SNPH: variants seen among roughly 807,000 people sequenced by gnomAD.
SNPH encodes syntaphilin.
SNPH carries 10 observed loss-of-function variants against 36.8 expected under a neutral mutation model. The observed-to-expected ratio is 0.27, with a 90% CI of 0.17 to 0.46. The LOEUF (loss-of-function observed/expected upper bound fraction) is 0.46. SNPH is among the 20% of genes least tolerant of loss of function. The probability of loss-of-function intolerance (pLI) is 1.00; values close to 1 mark genes in which losing one functional copy is unlikely to be tolerated. For missense variants in SNPH, 622 were observed against 744.0 expected (o/e 0.84, Z 1.91); for synonymous variants, 281 against 312.2 (o/e 0.90, Z 1.05).
In SNPH at chr20:1,294,129, C is replaced by T. The variant is rs991075486; in HGVS notation, c.-492-822C>T. ...GGGAAAGTTGTTGGTGAAGCCAGGC[C>T]GACCTGGGCCAGAAGCCAGAGCATG... On this transcript the variant is annotated intron_variant, in intron 2 of 6. Coordinates refer to ENST00000381867, the MANE Select transcript of SNPH (RefSeq NM_001318234.2). This position sits in a 1 kb window ranked among gnomAD's most constrained non-coding sequence, Gnocchi z 4.4. Among the ~76,000 whole-genome samples, 4 of 152,182 alleles carry T rather than the reference C, an allele frequency of 2.6e-5. No homozygotes were observed. The highest frequency in any genetic ancestry group is 5.9e-5 in the Non-Finnish European group (4 of 68,032).
chr20:1,268,854 A>G (rs1351615624), intron 2 of SNPH, among the ~76,000 whole-genome samples: 1 of 152,138 alleles, frequency 6.6e-6, no homozygotes, highest in Non-Finnish European at 1.5e-5. Flanking sequence ...TGTCATTATT[A>G]TTGCTATTAC....
In SNPH at chr20:1,305,562, A is replaced by G. The variant is rs2088563499; in HGVS notation, c.1125A>G (p.Lys375=). The change falls in exon 7 of 7, where the codon AAA becomes AAG. Residue 375 remains lysine (K), a synonymous_variant. Transcript: ENST00000381867. The stretch of plus-strand genomic sequence containing the variant: ...CTGACCTTGACACCATCCTGGAGAA[A>G]GTGACCCAGGCCCAGGTCTGTGGGA... ...YQPDLDTILE[K]VTQAQVCGTD... The G allele has an allele frequency of 6.2e-7, 1 of 1,613,462 alleles. No individual in the cohort carries two copies. The highest frequency in any genetic ancestry group is 1.1e-5 in the South Asian group (1 of 91,082).
chr20:1,276,731 C>T lies in SNPH; in HGVS notation c.-493+9971C>T, dbSNP rs1326348243. Among the ~76,000 whole-genome samples the T allele has an allele frequency of 3.3e-5, 5 of 152,192 alleles. No individual in the cohort carries two copies. Among genetic ancestry groups the T allele is most frequent in the African/African-American group, 1.2e-4 (5 of 41,442 alleles). ...TCCCTACTTTCCCAAAGTGCCAACA[C>T]ATCTTCATTTGGCAGTGAGCTCCCT... On this transcript the variant is annotated intron_variant, in intron 2 of 6. Transcript: ENST00000381867. The surrounding 1 kb of genome is among the most constrained non-coding windows in gnomAD (Gnocchi z 4.6).
chr20:1,278,620 T>C (rs1286755688), intron 2 of SNPH, among the ~76,000 whole-genome samples: 3 of 152,216 alleles, frequency 2.0e-5, no homozygotes, highest in African/African-American at 7.2e-5. Flanking sequence ...ACATTTTTGG[T>C]TTGGCTTTTT....
rs2088452965 is a variant in SNPH at position 1,297,463 on chromosome 20, A to T, written c.290+211A>T. Among the ~76,000 whole-genome samples the T allele has an allele frequency of 2.0e-5, 3 of 152,346 alleles. No homozygotes were observed. In the South Asian group the frequency reaches 6.2e-4, roughly 32 times the overall value. On this transcript the variant is annotated intron_variant, in intron 5 of 6. Transcript: ENST00000381867. ...GATAATATACAGCTGGACATAAAAA[A>T]ATACAGTGGCCTAAACAAACTAGGG...
At chr20:1,270,698 T>A (rs932984459) in intron 2 of SNPH, among the ~76,000 whole-genome samples, 21 of 152,192 alleles carry the variant, frequency 1.4e-4, no homozygotes, top group African/African-American at 5.1e-4. Flanking sequence ...ATTTTGAAAT[T>A]CCTCTGACAA....
chr20:1,271,619 T>C (rs1348314439), intron 2 of SNPH, among the ~76,000 whole-genome samples: 1 of 152,148 alleles, frequency 6.6e-6, no homozygotes, highest in Non-Finnish European at 1.5e-5. Context: ...CTTTCTTCTG[T>C]TCTGTAATGA....
chr20:1,296,136 TGG>T lies in SNPH; in HGVS notation c.-102_-101del. 1.0e-6 allele frequency: 1 copy of T among 989,288 alleles called. No homozygotes were observed. Among genetic ancestry groups the T allele is most frequent in the Non-Finnish European group, 1.4e-6 (1 of 701,422 alleles). 61.3% of individuals were successfully genotyped at this position (989,288 alleles called of 1,614,324 possible). A position where few individuals can be genotyped will look rare whatever the true frequency, so the allele number is the denominator to read the frequency against. ...ACAGTTGTGGTTTTAAGTTGGGTGG[TGG>T]GAACCTGTGCACCAGCCCTATTCAA... On this transcript the variant is annotated 5_prime_UTR_variant, in exon 4 of 7. Transcript: ENST00000381867.
At chr20:1,291,086 G>C (rs970847221) in intron 2 of SNPH, among the ~76,000 whole-genome samples, 4 of 152,252 alleles carry the variant, frequency 2.6e-5, no homozygotes, top group Non-Finnish European at 5.9e-5. Context: ...CCTCTTGGGT[G>C]GTTTGAAGAC....
In SNPH at chr20:1,271,029, AC is replaced by A. The variant is rs533106104; in HGVS notation, c.-493+4273del. On this transcript the variant is annotated intron_variant, in intron 2 of 6. Transcript: ENST00000381867. ...GCCATGGAGAGGCTGAGGCCTGTGC[AC>A]CCCAGGCTGCTTTGCATTAATGGAC... Among the ~76,000 whole-genome samples the A allele has an allele frequency of 5.9e-5, 9 of 152,328 alleles. 1 individual carries two copies. In the South Asian group the frequency reaches 1.9e-3, roughly 32 times the overall value.
chr20:1,299,988 G>A (rs1425412537), intron 5 of SNPH, among the ~76,000 whole-genome samples: 1 of 152,204 alleles, frequency 6.6e-6, no homozygotes, highest in Non-Finnish European at 1.5e-5. Flanking sequence ...GCTCTAGAGA[G>A]GAGAGCTTCT....
chr20:1,283,663 G>A (rs144051864), intron 2 of SNPH, among the ~76,000 whole-genome samples: 3,178 of 152,194 alleles, frequency 0.021, 50 homozygotes, highest in Middle Eastern at 0.065. Flanking sequence ...AGCATGATAC[G>A]GCCGTGGGCT....
rs1054296323 is a variant in SNPH at position 1,296,254 on chromosome 20, C to T, written c.15C>T (p.Gly5=). The stretch of plus-strand genomic sequence containing the variant: ...GAAGAGAAGCCATGCCGGGCAGCGG[C>T]CCCAGCGAGAGGATGACGTGGCCTG... MPGS[G]PSERMTWPGP... Residue 5 remains glycine, a synonymous_variant, in exon 4 of 7, where the codon GGC becomes GGT. Transcript: ENST00000381867. The T allele has an allele frequency of 1.8e-5, 27 of 1,534,872 alleles. No individual in the cohort carries two copies. Among genetic ancestry groups the T allele is most frequent in the Admixed American group, 8.4e-5 (4 of 47,452 alleles).
Position 1,307,294 on chromosome 20 carries a change from G to A in SNPH, c.*1240G>A, listed in dbSNP as rs569417546. 16 of 152,398 alleles carry A rather than the reference G, an allele frequency of 1.0e-4. No homozygotes were observed. The highest frequency in any genetic ancestry group is 3.6e-4 in the African/African-American group (15 of 41,572). 9.4% of individuals were successfully genotyped at this position (152,398 alleles called of 1,614,324 possible). A position where few individuals can be genotyped will look rare whatever the true frequency, so the allele number is the denominator to read the frequency against. On this transcript the variant is annotated 3_prime_UTR_variant, in exon 7 of 7. Coordinates refer to ENST00000381867, the MANE Select transcript of SNPH (RefSeq NM_001318234.2). ...TGTCCTGGGATAGGTTTCCTAGGCA[G>A]GGGCGTGGCAGAGCAGGTAGGCGCC... is the stretch of plus-strand genomic sequence containing the variant.
rs1273555614 is a variant in SNPH at position 1,297,336 on chromosome 20, G to A, written c.290+84G>A. 3.4e-5 allele frequency: 46 copies of A among 1,334,870 alleles called. No homozygotes were observed. The East Asian group carries it at 5.5e-4, about 16-fold the overall frequency. The allele number at this position is 1,334,870 out of a possible 1,614,324, so 82.7% of individuals were successfully genotyped here. A position where few individuals can be genotyped will look rare whatever the true frequency, so the allele number is the denominator to read the frequency against. On this transcript the variant is annotated intron_variant, in intron 5 of 6. Transcript: ENST00000381867. Reference sequence around the variant, plus strand: ...GTGGGAGAGGTAAGGGAGCAGGGTCGTGTTCTAACCACCCCTGACGCCAGC... The same window carrying A: ...GTGGGAGAGGTAAGGGAGCAGGGTCATGTTCTAACCACCCCTGACGCCAGC...
intron 2 of SNPH, among the ~76,000 whole-genome samples, chr20:1,291,500 G>A (rs2088359994): frequency 6.6e-6 from 1 of 152,194 alleles, no homozygotes; most frequent in South Asian, 2.1e-4. Flanking sequence ...GAGATCTAGA[G>A]TGTGGCTGCT....
chr20:1,279,010 A>G (rs538972347), intron 2 of SNPH, among the ~76,000 whole-genome samples: 68 of 152,366 alleles, frequency 4.5e-4, no homozygotes, highest in African/African-American at 1.5e-3. Context: ...GGCTATTACA[A>G]GTAAAGCTGT....
rs1600240498 is a variant in SNPH, at chr20:1,266,317, A to C, written c.-680A>C. 3 of 176,154 alleles carry C rather than the reference A, an allele frequency of 1.7e-5. No individual in the cohort carries two copies. Among genetic ancestry groups the C allele is most frequent in the East Asian group, 1.6e-4 (1 of 6,200 alleles). The allele number at this position is 176,154 out of a possible 1,614,324, so 10.9% of individuals were successfully genotyped here. A position where few individuals can be genotyped will look rare whatever the true frequency, so the allele number is the denominator to read the frequency against. Reference sequence around the variant, plus strand: ...GCAGCCCCAGCCCCGGCGAGCACCCAGCTAGCCGCCTCCTGCAGGGGCTCG... The same window carrying C: ...GCAGCCCCAGCCCCGGCGAGCACCCCGCTAGCCGCCTCCTGCAGGGGCTCG... On this transcript the variant is annotated 5_prime_UTR_variant, in exon 1 of 7. Transcript: ENST00000381867. The surrounding 1 kb of genome is among the most constrained non-coding windows in gnomAD (Gnocchi z 6.0).
chr20:1,306,014 A>C lies in SNPH; in HGVS notation c.1577A>C (p.Gln526Pro), dbSNP rs780140094. Reference protein sequence around the residue: ...IRRISCRSLSQPSPSPAGGGS... With the variant: ...IRRISCRSLSPPSPSPAGGGS... ...AGGATCAGCTGCCGCTCGCTGAGCC[A>C]GCCGAGTCCCAGCCCAGCGGGCGGC... The change falls in exon 7 of 7, where the codon CAG becomes CCG. Residue 526 changes from glutamine to proline, a missense_variant. Gln to Pro is a moderately conservative substitution (Grantham distance 76, BLOSUM62 -1). Around this residue, in one of 3 missense-constraint regions of SNPH, gnomAD observed 379 missense variants for 427.9 expected, o/e 0.89. Coordinates refer to ENST00000381867, the MANE Select transcript of SNPH (RefSeq NM_001318234.2). 1 of 1,516,286 alleles carries C rather than the reference A, an allele frequency of 6.6e-7. No homozygotes were observed. Among genetic ancestry groups the C allele is most frequent in the South Asian group, 1.2e-5 (1 of 80,530 alleles). 93.9% of individuals were successfully genotyped at this position (1,516,286 alleles called of 1,614,324 possible).
Sources: allele counts gnomAD v4.1 joint callset (sites outside exome capture counted in the v4.1 genomes callset), GRCh38; gene constraint gnomAD v4.1.1; regional missense constraint gnomAD v4.1.1; non-coding constraint Gnocchi (gnomAD v3.1); transcripts MANE v1.5; gene names NCBI Gene and HGNC (gene_info 2026-07-23, HGNC 2026-07-21).